Variants in SDHAF2 observed in about 807,000 individuals in gnomAD.
SDHAF2 encodes the protein succinate dehydrogenase complex assembly factor 2, also known as succinate dehydrogenase assembly factor 2, mitochondrial.
SDHAF2 carries 21 observed loss-of-function variants against 18.5 expected under a neutral mutation model. The ratio of observed to expected loss-of-function variants is 1.13; its 90% CI spans 0.80 to 1.63. The LOEUF (loss-of-function observed/expected upper bound fraction) is 1.63, where lower values mean the gene tolerates loss of function less well. Among genes scored for constraint, SDHAF2 ranks in the 40% most tolerant of loss-of-function variants. The pLI is 0.00. For synonymous variants in SDHAF2, 84 were observed against 70.7 expected, an observed-to-expected ratio of 1.19 and a Z score of -0.94; for missense variants, 195 against 200.3, an observed-to-expected ratio of 0.97 and a Z score of 0.16.
intron 1 of SDHAF2, chr11:61,436,719 T>A: frequency 2.2e-6 from 1 of 455,144 alleles, no homozygotes; most frequent in South Asian, 1.7e-5. Context: ...TGTGCTCACC[T>A]GGGGAGCAGG....
Position 61,446,410 on chromosome 11 carries a change from T to C in SDHAF2, c.*339T>C, listed in dbSNP as rs1202427924. 1.7e-6 allele frequency: 1 copy of C among 575,722 alleles called. No individual in the cohort carries two copies. Among genetic ancestry groups the C allele is most frequent in the East Asian group, 2.8e-5 (1 of 35,508 alleles). The allele number at this position is 575,722 out of a possible 1,614,324, so 35.7% of individuals were successfully genotyped here. ...CTTGCTCATTGCCTCAGCCCAAGTG[T>C]ACTCAAAGAAAAGAGGCAGCCAGCT... On this transcript the variant is annotated 3_prime_UTR_variant, in exon 4 of 4. Transcript: ENST00000301761.
chr11:61,440,189 C>A (rs1017378003), intron 3 of SDHAF2, among the ~76,000 whole-genome samples: 4 of 152,046 alleles, frequency 2.6e-5, no homozygotes, highest in African/African-American at 9.7e-5. Flanking sequence ...GTGGTGCGCC[C>A]AGCTACTCTG....
intron 1 of SDHAF2, chr11:61,434,975 C>T (rs1432090550): frequency 1.3e-5 from 2 of 151,818 alleles, no homozygotes; most frequent in East Asian, 3.9e-4. Flanking sequence ...TCTTGATCCA[C>T]TCGCCTTGGC....
At chr11:61,442,321 C>T (rs768098669) in intron 3 of SDHAF2, among the ~76,000 whole-genome samples, 49 of 152,178 alleles carry the variant, frequency 3.2e-4, no homozygotes, top group Non-Finnish European at 5.9e-4. Flanking sequence ...TCAGGAGTTC[C>T]GCTGGGTTTG....
chr11:61,436,705 G>A (rs932510758), intron 1 of SDHAF2: 2 of 411,270 alleles, frequency 4.9e-6, no homozygotes, highest in African/African-American at 2.1e-5. Flanking sequence ...GATGCAGCTG[G>A]TTTTGTGCTC....
chr11:61,430,160 C>G lies in SDHAF2; in HGVS notation c.14C>G (p.Thr5Arg). 6.2e-7 allele frequency: 1 copy of G among 1,614,230 alleles called. No homozygotes were observed. Among genetic ancestry groups the G allele is most frequent in the Non-Finnish European group, 8.5e-7 (1 of 1,180,024 alleles). The change falls in exon 1 of 4, where the codon ACA becomes AGA. Residue 5 changes from threonine to arginine, a missense_variant. Coordinates refer to ENST00000301761, the MANE Select transcript of SDHAF2 (RefSeq NM_017841.4). MAVS[T>R]VFSTSSLMLA... is the part of the protein sequence containing the mutation. The stretch of plus-strand genomic sequence containing the variant: ...CAGGTGGGGAAAATGGCGGTGTCTA[C>G]AGTGTTCTCGACTTCGTCGCTGGTG...
At position 61,443,669 on chromosome 11, in the gene SDHAF2, T is replaced by C. The variant is rs537091350; in HGVS notation, c.371-2272T>C. Among the ~76,000 whole-genome samples the C allele has an allele frequency of 3.3e-5, 5 of 152,332 alleles. No individual in the cohort carries two copies. In the South Asian group the frequency reaches 1.0e-3, roughly 32 times the overall value. The stretch of plus-strand genomic sequence containing the variant: ...CTCTGTCGCCCAGGCTGGAGTGCAG[T>C]GGCACCCTCTCGGCTCACTGCAACC... On this transcript the variant is annotated intron_variant, in intron 3 of 3. Transcript: ENST00000301761.
At chr11:61,437,934 T>C in intron 2 of SDHAF2, 70 bp from the exon 3 acceptor site, 1 of 1,554,180 alleles carries the variant, frequency 6.4e-7, no homozygotes, top group Non-Finnish European at 8.9e-7. Context: ...GTAGGAGTCT[T>C]GGTGTCACTT....
intron 3 of SDHAF2, among the ~76,000 whole-genome samples, chr11:61,441,160 G>A (rs1046877473): frequency 3.3e-5 from 5 of 152,150 alleles, no homozygotes; most frequent in Admixed American, 2.6e-4. Context: ...ATTTCAGCCT[G>A]GGCAAGAGTG....
intron 1 of SDHAF2, chr11:61,432,813 ATAACT>A (rs982033121): frequency 6.6e-5 from 10 of 152,064 alleles, no homozygotes; most frequent in Admixed American, 6.6e-5. Flanking sequence ...ATCTGTTTTG[ATAACT>A]TAATTTCCAT....
At chr11:61,438,365 A>T in intron 3 of SDHAF2, 1 of 581,246 alleles carries the variant, frequency 1.7e-6, no homozygotes, top group South Asian at 2.2e-5. Context: ...ACACCCGGGT[A>T]ATTTTATATT....
chr11:61,436,366 A>G (rs1321195415), intron 1 of SDHAF2, among the ~76,000 whole-genome samples: 2 of 152,082 alleles, frequency 1.3e-5, no homozygotes, highest in African/African-American at 4.8e-5. Flanking sequence ...CCCTAGGGAG[A>G]AGCTGGGAGG....
At chr11:61,436,811 G>A in intron 1 of SDHAF2, 1 of 1,118,368 alleles carries the variant, frequency 8.9e-7, no homozygotes, top group Non-Finnish European at 1.2e-6. Flanking sequence ...CGGGGAAGGA[G>A]GATCTGGGGT....
chr11:61,438,117 C>G lies in SDHAF2; in HGVS notation c.370+4C>G, dbSNP rs758935566. 34 of 1,596,320 alleles carry G rather than the reference C, an allele frequency of 2.1e-5. No individual in the cohort carries two copies. In the South Asian group the frequency reaches 3.4e-4, roughly 16 times the overall value. On this transcript the variant is annotated splice_donor_region_variant and intron_variant, in intron 3 of 3. Transcript: ENST00000301761. ...GATATTTACTACTGGGCCACAGGTACTGGGTATGATAAGCAGCATAATGTG... is the reference window on the plus strand; with the variant it reads ...GATATTTACTACTGGGCCACAGGTAGTGGGTATGATAAGCAGCATAATGTG...
rs774508076 is a variant in SDHAF2, at chr11:61,437,753, G to A, written c.165G>A (p.Trp55Ter). ...TGATTGAAATCCCTTTGCCTCCATGGCAGGAGAGAACTGATGAATCCATAG... is the reference window on the plus strand; with the variant it reads ...TGATTGAAATCCCTTTGCCTCCATGACAGGAGAGAACTGATGAATCCATAG... The part of the protein sequence containing the change: ...KDMIEIPLPP[W>*]QERTDESIET... Residue 55 changes from tryptophan (W) to a stop codon, truncating the protein, a stop_gained, in exon 2 of 4, where the codon TGG becomes TGA. Coordinates refer to ENST00000301761, the MANE Select transcript of SDHAF2 (RefSeq NM_017841.4). LOFTEE classifies it high-confidence loss of function. 7 of 1,614,136 alleles carry A rather than the reference G, an allele frequency of 4.3e-6. No individual in the cohort carries two copies. The highest frequency in any genetic ancestry group is 5.9e-6 in the Non-Finnish European group (7 of 1,179,998).
chr11:61,430,610 A>G (rs1861865675), intron 1 of SDHAF2: 1 of 211,578 alleles, frequency 4.7e-6, no homozygotes, highest in African/African-American at 2.3e-5. Context: ...ACATGTGTAC[A>G]TCGAATAATC....
chr11:61,443,126 A>G (rs764896087), intron 3 of SDHAF2, among the ~76,000 whole-genome samples: 3 of 152,108 alleles, frequency 2.0e-5, no homozygotes, highest in Non-Finnish European at 4.4e-5. Flanking sequence ...AGTTTGGGTT[A>G]TTTGTATTAG....
chr11:61,433,919 CTT>C (rs1287743526), intron 1 of SDHAF2: 2 of 152,248 alleles, frequency 1.3e-5, no homozygotes, highest in East Asian at 3.8e-4. Context: ...CTTGGTGTCT[CTT>C]TTGTGACTTT....
Position 61,446,190 on chromosome 11 carries a change from C to CATCACTTGAGGCAGGACCAG in SDHAF2, c.*119_*120insATCACTTGAGGCAGGACCAG. On this transcript the variant is annotated 3_prime_UTR_variant, in exon 4 of 4. Coordinates refer to ENST00000301761, the MANE Select transcript of SDHAF2 (RefSeq NM_017841.4). ...GCTGCCCTACCCCAGACCACTGGTCCTGCCTCAAGTGATGGACATAACCCT... is the reference window on the plus strand; with the variant it reads ...GCTGCCCTACCCCAGACCACTGGTCCATCACTTGAGGCAGGACCAGTGCCTCAAGTGATGGACATAACCCT... The CATCACTTGAGGCAGGACCAG allele has an allele frequency of 9.1e-7, 1 of 1,094,648 alleles. No individual in the cohort carries two copies. Among genetic ancestry groups the CATCACTTGAGGCAGGACCAG allele is most frequent in the Non-Finnish European group, 1.4e-6 (1 of 717,288 alleles). The allele number at this position is 1,094,648 out of a possible 1,614,324, so 67.8% of individuals were successfully genotyped here. A position where few individuals can be genotyped will look rare whatever the true frequency, so the allele number is the denominator to read the frequency against.
Sources: allele counts gnomAD v4.1 joint callset (sites outside exome capture counted in the v4.1 genomes callset), GRCh38; gene constraint gnomAD v4.1.1; transcripts MANE v1.5; gene names NCBI Gene and HGNC (gene_info 2026-07-23, HGNC 2026-07-21).